The following GINS2 variants were observed in gnomAD, a reference collection of about 807,000 sequenced individuals.
GINS2 encodes DNA replication complex GINS protein PSF2.
Under a neutral mutation model 21.2 loss-of-function variants are expected in GINS2, and 23 were observed. The ratio of observed to expected loss-of-function variants is 1.08; its 90% CI spans 0.78 to 1.53. GINS2 has a LOEUF of 1.53. Ranked by LOEUF, GINS2 falls within the 40% of genes most tolerant of loss-of-function variation. The probability of loss-of-function intolerance (pLI) is 0.00; values close to 1 mark genes in which losing one functional copy is unlikely to be tolerated. For synonymous variants in GINS2, 118 were observed against 85.6 expected (o/e 1.38, Z -2.09); for missense variants, 323 against 233.9 (o/e 1.38, Z -2.49).
At chr16:85,686,664 G>A (rs1209643301) in intron 2 of GINS2, among the ~76,000 whole-genome samples, 1 of 152,138 alleles carries the variant, frequency 6.6e-6, no homozygotes, top group Non-Finnish European at 1.5e-5. Flanking sequence ...TGATAGAAAT[G>A]GAATGATACA....
At chr16:85,685,465 C>G (rs1598762310) in intron 2 of GINS2, among the ~76,000 whole-genome samples, 2 of 151,496 alleles carry the variant, frequency 1.3e-5, no homozygotes, top group Non-Finnish European at 2.9e-5. Flanking sequence ...AAGTTTGACA[C>G]CAGCCTGGGC....
At chr16:85,688,713 G>C in intron 1 of GINS2, 96 bp downstream of exon 1, 1 of 570,410 alleles carries the variant, frequency 1.8e-6, no homozygotes. Flanking sequence ...AGATGCGGGA[G>C]CAGGGCGAGC....
Position 85,681,897 on chromosome 16 carries a change from C to T in GINS2, c.206-216G>A, listed in dbSNP as rs574648234. On this transcript the variant is annotated intron_variant, in intron 2 of 4. Transcript: ENST00000253462. ...CCAAAAGAAAGGTAAATTTTTGTCG[C>T]TGCTTTAGCCTGCAGAAGATATTCC... Among the ~76,000 whole-genome samples the T allele has an allele frequency of 7.1e-4, 108 of 152,144 alleles. 4 individuals are homozygous for T. The South Asian group carries it at 0.02, about 28-fold the overall frequency.
At position 85,678,109 on chromosome 16, in the gene GINS2, T is replaced by C; in HGVS notation, c.*103A>G. The stretch of plus-strand genomic sequence containing the variant: ...ATCCATTCCTTGCACCATCACACAT[T>C]TTTCATGCATCAGAAGTGTTTCTAG... On this transcript the variant is annotated 3_prime_UTR_variant, in exon 5 of 5. Coordinates refer to ENST00000253462, the MANE Select transcript of GINS2 (RefSeq NM_016095.3). 1 of 992,878 alleles carries C rather than the reference T, an allele frequency of 1.0e-6. No homozygotes were observed. The highest frequency in any genetic ancestry group is 1.6e-5 in the African/African-American group (1 of 61,752). 61.5% of individuals were successfully genotyped at this position (992,878 alleles called of 1,614,324 possible).
chr16:85,678,410 A>G, intron 4 of GINS2, 73 bp from the exon 5 acceptor site: 1 of 1,576,426 alleles, frequency 6.3e-7, no homozygotes. Context: ...CTACTGAATA[A>G]AAATAAGAAA....
intron 2 of GINS2, among the ~76,000 whole-genome samples, chr16:85,686,616 T>C (rs1432094784): frequency 6.6e-6 from 1 of 152,124 alleles, no homozygotes; most frequent in Non-Finnish European, 1.5e-5. Context: ...CAACTACTAA[T>C]CTACATTGTC....
chr16:85,680,042 G>A (rs1266890324), intron 3 of GINS2, among the ~76,000 whole-genome samples: 1 of 152,124 alleles, frequency 6.6e-6, no homozygotes, highest in Non-Finnish European at 1.5e-5. Context: ...GCAAACCTCT[G>A]TGAGCCCTCT....
chr16:85,687,163 T>C (rs545516339), intron 2 of GINS2, among the ~76,000 whole-genome samples: 1 of 152,318 alleles, frequency 6.6e-6, no homozygotes, highest in African/African-American at 2.4e-5. Flanking sequence ...GAAGGCTGCA[T>C]TGAGCCGAGA....
At chr16:85,682,514 C>T (rs898633349) in intron 2 of GINS2, among the ~76,000 whole-genome samples, 1 of 146,768 alleles carries the variant, frequency 6.8e-6, no homozygotes, top group Non-Finnish European at 1.5e-5. Flanking sequence ...CCAGCCTGGG[C>T]GTGATACAAT....
intron 2 of GINS2, among the ~76,000 whole-genome samples, chr16:85,685,850 G>C (rs1287746168): frequency 6.6e-6 from 1 of 151,368 alleles, no homozygotes; most frequent in Non-Finnish European, 1.5e-5. Flanking sequence ...CTAGGAGGTA[G>C]GTACCCCCAA....
At chr16:85,686,802 G>A (rs74838022) in intron 2 of GINS2, among the ~76,000 whole-genome samples, 1,757 of 152,264 alleles carry the variant, frequency 0.012, 35 homozygotes, top group African/African-American at 0.04. Context: ...CAACCTTATT[G>A]TGATATATTA....
chr16:85,688,845 G>A lies in GINS2; in HGVS notation c.54C>T (p.Ile18=). 1.3e-6 allele frequency: 2 copies of A among 1,545,936 alleles called. No individual in the cohort carries two copies. The highest frequency in any genetic ancestry group is 1.7e-6 in the Non-Finnish European group (2 of 1,144,290). ...AGATCTTGTCCAGACTGAAGTTGGG[G>A]ATAATGGTAACCAGCTCCTTCTCGG... is the stretch of plus-strand genomic sequence containing the variant. ...FLAEKELVTI[I]PNFSLDKIYL... Residue 18 remains isoleucine, a synonymous_variant, in exon 1 of 5, where the codon ATC becomes ATT. Transcript: ENST00000253462.
intron 2 of GINS2, among the ~76,000 whole-genome samples, chr16:85,683,798 ACACC>A (rs1405475980): frequency 6.6e-6 from 1 of 152,210 alleles, no homozygotes; most frequent in African/African-American, 2.4e-5. Context: ...AGCTTATGAA[ACACC>A]TCTGGTCCAA....
At chr16:85,681,796 A>C (rs2053735605) in intron 2 of GINS2, 115 bp from the exon 3 acceptor site, 2 of 628,494 alleles carry the variant, frequency 3.2e-6, no homozygotes, top group Non-Finnish European at 5.6e-6. Context: ...ACTAGCAAAT[A>C]CATGAAAAAA....
chr16:85,687,415 G>T, intron 2 of GINS2, 45 bp downstream of exon 2: 62 of 1,156,306 alleles, frequency 5.4e-5, no homozygotes, highest in Middle Eastern at 2.0e-4. Context: ...GTCACCCCAA[G>T]CCCAGCCCCA....
chr16:85,688,766 G>T (rs766316541), intron 1 of GINS2, 43 bp downstream of exon 1: 2 of 1,293,214 alleles, frequency 1.5e-6, no homozygotes, highest in Non-Finnish European at 2.1e-6. Context: ...CCCCGGACGC[G>T]CCCAGCCCGG....
intron 2 of GINS2, among the ~76,000 whole-genome samples, chr16:85,682,021 CTTTTTTTTTTTTTT>C (rs56847154): frequency 1.4e-5 from 1 of 73,368 alleles, no homozygotes; most frequent in Middle Eastern, 8.2e-3. Flanking sequence ...CCTTTACCGC[CTTTTTTTTTTTTTT>C]TTTTTTTTTT....
intron 4 of GINS2, 26 bp downstream of exon 4, chr16:85,678,514 C>T (rs1456882250): frequency 1.2e-6 from 2 of 1,608,750 alleles, no homozygotes; most frequent in African/African-American, 2.7e-5. Flanking sequence ...TCAAGGCCAC[C>T]AGCACCCAGG....
At chr16:85,685,685 A>AAAAAAAAAAACAAAAAAAAAAAAAC (rs56405044) in intron 2 of GINS2, among the ~76,000 whole-genome samples, 1 of 120,900 alleles carries the variant, frequency 8.3e-6, no homozygotes, top group Non-Finnish European at 1.9e-5. Flanking sequence ...AAAAAAAAAA[A>AAAAAAAAAAACAAAAAAAAAAAAAC]AAAAAACCGT....
Sources: gnomAD v4.1 joint callset for allele counts (sites outside exome capture counted in the v4.1 genomes callset) on GRCh38, gnomAD v4.1.1 for gene constraint, MANE v1.5 for transcripts, NCBI Gene and HGNC (gene_info 2026-07-23, HGNC 2026-07-21) for gene names.